The following ALCAM variants were observed in gnomAD, a reference collection of about 807,000 sequenced individuals.
ALCAM encodes the protein activated leukocyte cell adhesion molecule, also known as CD166 antigen.
Under a neutral mutation model 70.9 loss-of-function variants are expected in ALCAM, and 30 were observed. The ratio of observed to expected loss-of-function variants is 0.42; its 90% CI spans 0.32 to 0.57. ALCAM has a LOEUF of 0.57. Among genes scored for constraint, ALCAM ranks in the 20% least tolerant of loss-of-function variants. The probability of loss-of-function intolerance (pLI) is 0.11; values close to 1 mark genes in which losing one functional copy is unlikely to be tolerated. For synonymous variants in ALCAM, 249 were observed against 242.5 expected, an observed-to-expected ratio of 1.03 and a Z score of -0.25; for missense variants, 591 against 695.1, an observed-to-expected ratio of 0.85 and a Z score of 1.68.
chr3:105,371,926 G>A (rs1039517102), intron 1 of ALCAM, among the ~76,000 whole-genome samples: 8 of 152,074 alleles, frequency 5.3e-5, no homozygotes, highest in African/African-American at 1.9e-4. Flanking sequence ...TATTCACAGA[G>A]GCTAATCTCA....
At chr3:105,442,090 G>A (rs1937184680) in intron 1 of ALCAM, among the ~76,000 whole-genome samples, 1 of 152,088 alleles carries the variant, frequency 6.6e-6, no homozygotes. Context: ...GAATTTATTG[G>A]GAAGAGTAAA....
At chr3:105,492,588 G>A (rs144444960) in intron 1 of ALCAM, among the ~76,000 whole-genome samples, 2 of 152,132 alleles carry the variant, frequency 1.3e-5, no homozygotes, top group African/African-American at 2.4e-5. Flanking sequence ...ATCTAGCAGG[G>A]TATATGGATA....
intron 1 of ALCAM, among the ~76,000 whole-genome samples, chr3:105,475,410 T>C (rs1179076819): frequency 1.3e-5 from 2 of 151,956 alleles, no homozygotes; most frequent in African/African-American, 4.8e-5. Flanking sequence ...AATAAAACAG[T>C]AAATTGCAAT....
intron 14 of ALCAM, chr3:105,553,086 G>T (rs1940447754): frequency 1.0e-6 from 1 of 986,150 alleles, no homozygotes. Context: ...CTATATCAGA[G>T]AAAATCATGT....
chr3:105,541,797 A>T (rs543565634), intron 8 of ALCAM, 32 bp downstream of exon 8: 1 of 1,609,688 alleles, frequency 6.2e-7, no homozygotes, highest in Admixed American at 1.7e-5. Context: ...CAGCAGCTTC[A>T]CCTCAAAGGC....
At chr3:105,549,915 CAAAA>C (rs1343438302) in intron 11 of ALCAM, among the ~76,000 whole-genome samples, 4 of 151,196 alleles carry the variant, frequency 2.6e-5, no homozygotes, top group Non-Finnish European at 5.9e-5. Flanking sequence ...TTAGAATTCA[CAAAA>C]GAAACATAAA....
At chr3:105,400,270 G>A (rs1200364899) in intron 1 of ALCAM, among the ~76,000 whole-genome samples, 4 of 151,956 alleles carry the variant, frequency 2.6e-5, no homozygotes, top group African/African-American at 4.8e-5. Context: ...ATCTGCCATT[G>A]ATAAAACAGA....
intron 14 of ALCAM, among the ~76,000 whole-genome samples, chr3:105,553,819 A>G (rs1940463109): frequency 6.6e-6 from 1 of 151,944 alleles, no homozygotes; most frequent in Non-Finnish European, 1.5e-5. Context: ...CATAGTTTGT[A>G]GGGCACAGAA....
At chr3:105,454,603 A>C (rs576893334) in intron 1 of ALCAM, among the ~76,000 whole-genome samples, 3 of 131,906 alleles carry the variant, frequency 2.3e-5, no homozygotes, top group African/African-American at 8.6e-5. Context: ...AACATTGTTT[A>C]TTTCTCAATA....
At chr3:105,524,827 G>C (rs1210287010) in intron 3 of ALCAM, 1 of 1,085,468 alleles carries the variant, frequency 9.2e-7, no homozygotes, top group Non-Finnish European at 1.1e-6. Context: ...GTACAAATAA[G>C]TGTTGTGTGA....
At chr3:105,367,503 GC>G in intron 1 of ALCAM, 22 bp downstream of exon 1, 3 of 1,613,598 alleles carry the variant, frequency 1.9e-6, no homozygotes, top group Non-Finnish European at 2.5e-6. Context: ...CCTGGGAGCA[GC>G]CCCAGACAGA....
chr3:105,466,356 C>T (rs1254425940), intron 1 of ALCAM, among the ~76,000 whole-genome samples: 2 of 151,478 alleles, frequency 1.3e-5, no homozygotes, highest in Admixed American at 6.6e-5. Context: ...CAATCAGGGA[C>T]AAGAGATCAG....
At chr3:105,565,369 A>G (rs143557344) in intron 14 of ALCAM, among the ~76,000 whole-genome samples, 1 of 152,144 alleles carries the variant, frequency 6.6e-6, no homozygotes, top group Non-Finnish European at 1.5e-5. Flanking sequence ...CTATGTCTAT[A>G]ACTTAATTGT....
chr3:105,556,071 A>G (rs1940510258), intron 14 of ALCAM, among the ~76,000 whole-genome samples: 3 of 152,054 alleles, frequency 2.0e-5, no homozygotes, highest in Admixed American at 6.6e-5. Flanking sequence ...ACCTTCTACT[A>G]TGTTTTCCAT....
At chr3:105,548,545 A>G (rs1222137151) in intron 11 of ALCAM, among the ~76,000 whole-genome samples, 1 of 151,450 alleles carries the variant, frequency 6.6e-6, no homozygotes, top group African/African-American at 2.4e-5. Context: ...GTCCCAGCTT[A>G]CGCCATGCAG....
chr3:105,371,163 A>G (rs1935219571), intron 1 of ALCAM, among the ~76,000 whole-genome samples: 1 of 152,146 alleles, frequency 6.6e-6, no homozygotes, highest in African/African-American at 2.4e-5. Context: ...TCTACCATTG[A>G]CTTATCAAAA....
chr3:105,554,239 A>G (rs1180924759), intron 14 of ALCAM, among the ~76,000 whole-genome samples: 1 of 151,924 alleles, frequency 6.6e-6, no homozygotes, highest in Non-Finnish European at 1.5e-5. Flanking sequence ...CAAAAGCCTG[A>G]GAACCAGGAA....
At chr3:105,470,043 A>G (rs1937878363) in intron 1 of ALCAM, among the ~76,000 whole-genome samples, 1 of 149,884 alleles carries the variant, frequency 6.7e-6, no homozygotes, top group South Asian at 2.1e-4. Flanking sequence ...TTATATTAAT[A>G]TAATATATAA....
intron 1 of ALCAM, among the ~76,000 whole-genome samples, chr3:105,367,752 C>T (rs973979312): frequency 6.6e-6 from 1 of 152,224 alleles, no homozygotes; most frequent in African/African-American, 2.4e-5. Flanking sequence ...ATTCGCCTGA[C>T]GCTCTCCCCT....
Sources: allele counts gnomAD v4.1 joint callset (sites outside exome capture counted in the v4.1 genomes callset), GRCh38; gene constraint gnomAD v4.1.1; transcripts MANE v1.5; gene names NCBI Gene and HGNC (gene_info 2026-07-23, HGNC 2026-07-21).